Variants in CACNA1H observed in about 807,000 individuals in gnomAD.
CACNA1H encodes calcium voltage-gated channel subunit alpha1 H, also known as voltage-dependent T-type calcium channel subunit alpha-1H.
CACNA1H carries 149 observed loss-of-function variants against 192.5 expected under a neutral mutation model. The ratio of observed to expected loss-of-function variants is 0.77; its 90% CI spans 0.68 to 0.89. The LOEUF is 0.89. Among genes scored for constraint, CACNA1H ranks in the 40% least tolerant of loss-of-function variants. The pLI is 0.00. For missense variants in CACNA1H, 4,257 were observed against 3,423.5 expected (o/e 1.24, Z -6.08); for synonymous variants, 2,202 against 1,475.2 (o/e 1.49, Z -11.29).
chr16:1,177,229 G>T (rs1964977544), intron 2 of CACNA1H, among the ~76,000 whole-genome samples: 1 of 152,206 alleles, frequency 6.6e-6, no homozygotes, highest in African/African-American at 2.4e-5. Context: ...GACTCCACCA[G>T]GGGCTGCTGT....
intron 9 of CACNA1H, among the ~76,000 whole-genome samples, chr16:1,203,768 T>C (rs1968295697): frequency 6.6e-6 from 1 of 152,188 alleles, no homozygotes; most frequent in African/African-American, 2.4e-5. Flanking sequence ...TTCTTCTTAT[T>C]GGAACAGTCG....
rs150671046 is a variant in CACNA1H at position 1,203,437 on chromosome 16, T to C, written c.2003-573T>C. Among the ~76,000 whole-genome samples the C allele has an allele frequency of 4.7e-3, 723 of 152,330 alleles. 3 individuals carry two copies. The highest frequency in any genetic ancestry group is 0.027 in the Middle Eastern group (8 of 294). On this transcript the variant is annotated intron_variant, in intron 9 of 34. Coordinates refer to ENST00000348261, the MANE Select transcript of CACNA1H (RefSeq NM_021098.3). ...ACAGCCCAAGGCAGGCAAACGTCTC[T>C]GCACCTAAGTGTGTCCCTGCCCCAG...
intron 7 of CACNA1H, 54 bp from the exon 8 acceptor site, chr16:1,200,662 C>G: frequency 6.4e-7 from 1 of 1,570,036 alleles, no homozygotes; most frequent in Non-Finnish European, 8.7e-7. Context: ...CCCAGGGGCA[C>G]GGGGAGGAGG....
At chr16:1,191,855 C>T (rs1345370371) in intron 2 of CACNA1H, among the ~76,000 whole-genome samples, 1 of 145,822 alleles carries the variant, frequency 6.9e-6, no homozygotes, top group Non-Finnish European at 1.5e-5. Flanking sequence ...TGGCCTCAGG[C>T]ACACTCAGGG....
At chr16:1,195,124 C>A in intron 3 of CACNA1H, 41 bp downstream of exon 3, 1 of 896,258 alleles carries the variant, frequency 1.1e-6, no homozygotes, top group South Asian at 1.4e-5. Flanking sequence ...GCGTGGGTCG[C>A]TACGAGGTTT....
chr16:1,185,986 G>A (rs1281750627), intron 2 of CACNA1H, among the ~76,000 whole-genome samples: 2 of 131,386 alleles, frequency 1.5e-5, no homozygotes, highest in Non-Finnish European at 3.1e-5. Context: ...GGCGGGGTGT[G>A]TACGGGGCAG....
At chr16:1,213,462 C>G (rs1482387185) in intron 26 of CACNA1H, among the ~76,000 whole-genome samples, 1 of 152,110 alleles carries the variant, frequency 6.6e-6, no homozygotes, top group East Asian at 1.9e-4. Flanking sequence ...TGGGGGCTGC[C>G]TGGCGCAACC....
chr16:1,203,779 T>A (rs1302836898), intron 9 of CACNA1H, among the ~76,000 whole-genome samples: 1 of 152,202 alleles, frequency 6.6e-6, no homozygotes, highest in Non-Finnish European at 1.5e-5. Context: ...GGAACAGTCG[T>A]GGCTCAGGGC....
chr16:1,169,561 C>G (rs964938858), intron 2 of CACNA1H, among the ~76,000 whole-genome samples: 1 of 152,236 alleles, frequency 6.6e-6, no homozygotes, highest in Non-Finnish European at 1.5e-5. Flanking sequence ...CCTCTCCCAC[C>G]GAGAGACACT....
At chr16:1,185,883 G>A (rs1475109337) in intron 2 of CACNA1H, among the ~76,000 whole-genome samples, 1 of 72,484 alleles carries the variant, frequency 1.4e-5, no homozygotes, top group Non-Finnish European at 2.7e-5. Context: ...GGCCGGAGGC[G>A]GGGTGTGTAC....
At chr16:1,213,302 C>T (rs982700320) in intron 26 of CACNA1H, among the ~76,000 whole-genome samples, 1 of 152,198 alleles carries the variant, frequency 6.6e-6, no homozygotes, top group African/African-American at 2.4e-5. Flanking sequence ...CTGCCCAGCC[C>T]TTCATCAGTG....
intron 26 of CACNA1H, 39 bp from the exon 27 acceptor site, chr16:1,213,741 G>GGCCCTCCTGCCCGGCGCTCATGGCC: frequency 6.8e-7 from 1 of 1,466,664 alleles, no homozygotes; most frequent in East Asian, 2.5e-5. Context: ...AGCGCCGGGC[G>GGCCCTCCTGCCCGGCGCTCATGGCC]GCCCTCCTGC....
At chr16:1,186,353 G>C (rs1026337112) in intron 2 of CACNA1H, among the ~76,000 whole-genome samples, 2 of 152,036 alleles carry the variant, frequency 1.3e-5, no homozygotes, top group African/African-American at 4.8e-5. Flanking sequence ...AGCCTGCCGT[G>C]ACCGCACAGG....
intron 2 of CACNA1H, among the ~76,000 whole-genome samples, chr16:1,189,460 A>G (rs1966392909): frequency 8.2e-6 from 1 of 121,454 alleles, no homozygotes; most frequent in Admixed American, 1.1e-4. Flanking sequence ...TCCGTCACCC[A>G]GCCTGGAGTG....
intron 12 of CACNA1H, chr16:1,206,588 AC>A (rs1230188718): frequency 4.2e-6 from 2 of 474,210 alleles, no homozygotes; most frequent in Non-Finnish European, 7.6e-6. Flanking sequence ...CCAGGCTCCA[AC>A]TGGGGTGTTC....
At chr16:1,169,413 A>G (rs1964135340) in intron 2 of CACNA1H, among the ~76,000 whole-genome samples, 3 of 151,984 alleles carry the variant, frequency 2.0e-5, no homozygotes, top group Admixed American at 2.0e-4. Flanking sequence ...GGGCCCCGAG[A>G]GGGTGGCAGG....
chr16:1,161,344 C>T (rs1009183067), intron 2 of CACNA1H, among the ~76,000 whole-genome samples: 5 of 152,186 alleles, frequency 3.3e-5, no homozygotes, highest in Non-Finnish European at 5.9e-5. Context: ...GCCAGGCCGC[C>T]CTGTGTTCTC....
At chr16:1,191,090 G>T (rs370120448) in intron 2 of CACNA1H, among the ~76,000 whole-genome samples, 1,232 of 100,080 alleles carry the variant, frequency 0.012, 10 homozygotes, top group South Asian at 0.05. Context: ...GGGTCTCTCT[G>T]ACTCAGCAGG....
At chr16:1,191,039 C>T (rs1274266462) in intron 2 of CACNA1H, among the ~76,000 whole-genome samples, 18 of 138,668 alleles carry the variant, frequency 1.3e-4, no homozygotes, top group Non-Finnish European at 2.6e-4. Flanking sequence ...GGGTCTCTGA[C>T]CCAGCAGGCT....
Sources: allele counts gnomAD v4.1 joint callset (sites outside exome capture counted in the v4.1 genomes callset), GRCh38; gene constraint gnomAD v4.1.1; transcripts MANE v1.5; gene names NCBI Gene and HGNC (gene_info 2026-07-23, HGNC 2026-07-21).